Variants in TMEM108 observed in about 807,000 individuals in gnomAD.
TMEM108 encodes cancer/testis antigen 124.
In TMEM108, 12 loss-of-function variants were observed where a neutral mutation model predicts 35.1. The observed-to-expected ratio is 0.34, with a 90% CI of 0.22 to 0.55. The LOEUF is 0.55. TMEM108 is among the 20% of genes least tolerant of loss of function. TMEM108 has a pLI of 0.89. For synonymous variants in TMEM108, 287 were observed against 308.6 expected, an observed-to-expected ratio of 0.93 and a Z score of 0.73; for missense variants, 680 against 753.3, an observed-to-expected ratio of 0.90 and a Z score of 1.14.
At chr3:133,070,809 CTT>C (rs755983350) in intron 2 of TMEM108, among the ~76,000 whole-genome samples, 1 of 150,714 alleles carries the variant, frequency 6.6e-6, no homozygotes, top group Non-Finnish European at 1.5e-5. Context: ...TTAACAGTCT[CTT>C]GTCGTTAAAA....
chr3:133,142,592 A>T (rs1350185058), intron 2 of TMEM108, among the ~76,000 whole-genome samples: 1 of 152,170 alleles, frequency 6.6e-6, no homozygotes, highest in African/African-American at 2.4e-5. Context: ...CTGCTCCCTA[A>T]AACATCACAT....
chr3:133,185,395 C>A (rs1346577168), intron 2 of TMEM108, among the ~76,000 whole-genome samples: 1 of 151,810 alleles, frequency 6.6e-6, no homozygotes, highest in Admixed American at 6.6e-5. Context: ...CTGCCTCTTA[C>A]CCTGCCTTCA....
At chr3:133,067,591 A>G (rs1459841881) in intron 2 of TMEM108, among the ~76,000 whole-genome samples, 1 of 152,220 alleles carries the variant, frequency 6.6e-6, no homozygotes. Flanking sequence ...GTGGTTCTCT[A>G]TTAATTAGCT....
chr3:133,345,840 C>A (rs1489284939), intron 3 of TMEM108, among the ~76,000 whole-genome samples: 1 of 151,802 alleles, frequency 6.6e-6, no homozygotes. Context: ...ATATATAATC[C>A]ACATTTAAGA....
At chr3:133,071,512 T>C (rs1285958385) in intron 2 of TMEM108, among the ~76,000 whole-genome samples, 1 of 152,214 alleles carries the variant, frequency 6.6e-6, no homozygotes, top group Admixed American at 6.5e-5. Context: ...CTACAACATG[T>C]AAATTGGGGC....
intron 2 of TMEM108, among the ~76,000 whole-genome samples, chr3:133,126,167 T>TA (rs1944412980): frequency 6.6e-6 from 1 of 152,186 alleles, no homozygotes; most frequent in African/African-American, 2.4e-5. Context: ...AATCTTTTTT[T>TA]TAAAAAAGTG....
intron 3 of TMEM108, among the ~76,000 whole-genome samples, chr3:133,273,442 C>T (rs1200792823): frequency 1.3e-5 from 2 of 152,116 alleles, no homozygotes; most frequent in African/African-American, 4.8e-5. Flanking sequence ...GATAGTCAAA[C>T]TAAACACCAC....
At chr3:133,375,520 G>A (rs750056903) in intron 3 of TMEM108, among the ~76,000 whole-genome samples, 4 of 152,248 alleles carry the variant, frequency 2.6e-5, no homozygotes, top group Non-Finnish European at 5.9e-5. Context: ...GCCTCAGATT[G>A]TGGGGAGGGG....
intron 3 of TMEM108, among the ~76,000 whole-genome samples, chr3:133,351,493 G>A (rs2071996248): frequency 6.6e-6 from 1 of 152,030 alleles, no homozygotes; most frequent in Non-Finnish European, 1.5e-5. Flanking sequence ...GGCTTTTTCT[G>A]GAGGCCCTGT....
intron 3 of TMEM108, among the ~76,000 whole-genome samples, chr3:133,252,417 G>A (rs749047526): frequency 3.9e-5 from 6 of 152,090 alleles, no homozygotes; most frequent in Admixed American, 2.6e-4. Context: ...TTTAGCAATG[G>A]AGTAACTAGG....
chr3:133,073,545 T>A (rs1943704904), intron 2 of TMEM108, among the ~76,000 whole-genome samples: 1 of 140,604 alleles, frequency 7.1e-6, no homozygotes, highest in African/African-American at 2.6e-5. Flanking sequence ...TCACATTTTC[T>A]TTATCCATTT....
chr3:133,237,419 A>T (rs1246535664), intron 3 of TMEM108, among the ~76,000 whole-genome samples: 1 of 152,050 alleles, frequency 6.6e-6, no homozygotes, highest in Non-Finnish European at 1.5e-5. Flanking sequence ...GGACCATTTT[A>T]ATAGTCCTCT....
Position 133,236,188 on chromosome 3 carries a change from T to C in TMEM108, c.40+6837T>C, listed in dbSNP as rs58035541. Among the ~76,000 whole-genome samples, 378 of 152,288 alleles carry C rather than the reference T, an allele frequency of 2.5e-3. 3 individuals are homozygous for C. Among genetic ancestry groups the C allele is most frequent in the African/African-American group, 8.6e-3 (359 of 41,580 alleles). On this transcript the variant is annotated intron_variant, in intron 3 of 5. Transcript: ENST00000321871. ...CCAGACATTTGAATTTCTTAAATCA[T>C]GCTCTGTATTGTTACTCTAGTACAC...
In TMEM108 at chr3:133,380,016, C is replaced by A. The variant is rs567986332; in HGVS notation, c.305C>A (p.Ala102Glu). ...PPTHTISTIA[A>E]TVTAPHSESS... The stretch of plus-strand genomic sequence containing the variant: ...ACGCACACCATCTCCACCATCGCTG[C>A]GACAGTAACCGCCCCCCATTCTGAA... The change falls in exon 4 of 6, where the codon GCG (alanine) becomes GAG (glutamate). Residue 102 changes from alanine to glutamate, a missense_variant. Transcript: ENST00000321871. This position sits in a 1 kb window ranked among gnomAD's most constrained non-coding sequence, Gnocchi z 5.3. The A allele has an allele frequency of 8.1e-6, 13 of 1,613,848 alleles. No homozygotes were observed. Among genetic ancestry groups the A allele is most frequent in the African/African-American group, 1.3e-5 (1 of 74,868 alleles).
rs74948939 is a variant in TMEM108 at position 133,164,298 on chromosome 3, A to T, written c.-46-64968A>T. Reference sequence around the variant, plus strand: ...TTACTGACTTGACTGAACACCTCTGACTAAGGATAGTTCTTCAGGTAATTG... The same window carrying T: ...TTACTGACTTGACTGAACACCTCTGTCTAAGGATAGTTCTTCAGGTAATTG... On this transcript the variant is annotated intron_variant, in intron 2 of 5. Transcript: ENST00000321871. Among the ~76,000 whole-genome samples the T allele has an allele frequency of 7.2e-3, 1,101 of 152,336 alleles. 16 individuals are homozygous for T. Among genetic ancestry groups the T allele is most frequent in the African/African-American group, 0.025 (1,047 of 41,572 alleles).
intron 3 of TMEM108, among the ~76,000 whole-genome samples, chr3:133,264,230 A>G (rs906797691): frequency 6.6e-6 from 1 of 152,150 alleles, no homozygotes; most frequent in African/African-American, 2.4e-5. Flanking sequence ...CTCAAACTCC[A>G]TGAGTTTGAG....
intron 3 of TMEM108, among the ~76,000 whole-genome samples, chr3:133,245,229 T>C (rs539091084): frequency 3.7e-4 from 56 of 152,306 alleles, no homozygotes; most frequent in Middle Eastern, 3.4e-3. Context: ...CCAAGCCTAG[T>C]TGATGTGAGA....
chr3:133,315,823 C>T (rs1422416636), intron 3 of TMEM108, among the ~76,000 whole-genome samples: 1 of 152,228 alleles, frequency 6.6e-6, no homozygotes, highest in Admixed American at 6.5e-5. Flanking sequence ...TTTGCAAAAT[C>T]ACTTTATTTT....
chr3:133,155,373 AC>A lies in TMEM108; in HGVS notation c.-46-73890del, dbSNP rs1944865526. ...ATGATTTATATTCTTCTGGGTATATACCCAGTAGTGGGATTGCTGGGTCGAA... is the reference window on the plus strand; with the variant it reads ...ATGATTTATATTCTTCTGGGTATATACCAGTAGTGGGATTGCTGGGTCGAA... On this transcript the variant is annotated intron_variant, in intron 2 of 5. Coordinates refer to ENST00000321871, the MANE Select transcript of TMEM108 (RefSeq NM_023943.4). Among the ~76,000 whole-genome samples the A allele has an allele frequency of 2.6e-5, 4 of 152,198 alleles. No homozygotes were observed. The South Asian group carries it at 8.3e-4, about 32-fold the overall frequency.
Sources: allele counts gnomAD v4.1 joint callset (sites outside exome capture counted in the v4.1 genomes callset), GRCh38; gene constraint gnomAD v4.1.1; non-coding constraint Gnocchi (gnomAD v3.1); transcripts MANE v1.5; gene names NCBI Gene and HGNC (gene_info 2026-07-23, HGNC 2026-07-21).